COL25A1: variants seen among roughly 807,000 people sequenced by gnomAD.
COL25A1 encodes collagen alpha-1(XXV) chain.
COL25A1 carries 103 observed loss-of-function variants against 128.4 expected under a neutral mutation model. The ratio of observed to expected loss-of-function variants is 0.80; its 90% CI spans 0.68 to 0.94. The LOEUF is 0.94. Among genes scored for constraint, COL25A1 ranks in the 40% least tolerant of loss-of-function variants. The probability of loss-of-function intolerance (pLI) is 0.00; values close to 1 mark genes in which losing one functional copy is unlikely to be tolerated. For synonymous variants in COL25A1, 279 were observed against 277.2 expected, an observed-to-expected ratio of 1.01 and a Z score of -0.06; for missense variants, 745 against 840.0, an observed-to-expected ratio of 0.89 and a Z score of 1.40.
At chr4:109,131,977 TAGAGATA>T (rs1381668535) in intron 3 of COL25A1, among the ~76,000 whole-genome samples, 1 of 152,180 alleles carries the variant, frequency 6.6e-6, no homozygotes, top group Non-Finnish European at 1.5e-5. Context: ...CATTCTTTGC[TAGAGATA>T]AGGGCCCCTC....
intron 27 of COL25A1, 86 bp from the exon 28 acceptor site, chr4:108,846,305 T>A (rs1173253542): frequency 1.2e-6 from 1 of 861,510 alleles, no homozygotes; most frequent in Non-Finnish European, 2.0e-6. Context: ...TCCGATCAAT[T>A]TCGTTAATAG....
At chr4:108,857,555 C>T (rs1236233442) in intron 24 of COL25A1, among the ~76,000 whole-genome samples, 2 of 145,110 alleles carry the variant, frequency 1.4e-5, no homozygotes, top group Admixed American at 1.4e-4. Flanking sequence ...ATAGGCTGAG[C>T]TGAAAATAGA....
At chr4:109,008,563 T>C (rs1756262973) in intron 6 of COL25A1, among the ~76,000 whole-genome samples, 1 of 152,106 alleles carries the variant, frequency 6.6e-6, no homozygotes. Context: ...ATGTTAAAGA[T>C]TACAATCTCT....
intron 3 of COL25A1, among the ~76,000 whole-genome samples, chr4:109,163,118 T>C (rs1027493653): frequency 3.3e-5 from 5 of 152,158 alleles, no homozygotes; most frequent in Non-Finnish European, 7.4e-5. Flanking sequence ...TCACTTCTGC[T>C]TCCCTAGGTT....
intron 3 of COL25A1, among the ~76,000 whole-genome samples, chr4:109,190,330 C>T (rs571508807): frequency 1.3e-4 from 20 of 151,902 alleles, no homozygotes; most frequent in African/African-American, 2.9e-4. Flanking sequence ...GACCAATGCC[C>T]AGAAACATAT....
intron 24 of COL25A1, among the ~76,000 whole-genome samples, chr4:108,853,162 A>C (rs992775954): frequency 6.6e-6 from 1 of 152,144 alleles, no homozygotes; most frequent in Non-Finnish European, 1.5e-5. Flanking sequence ...AGAAAAAGAA[A>C]TGTCAAAATT....
At chr4:108,887,964 G>A (rs1741021460) in intron 18 of COL25A1, among the ~76,000 whole-genome samples, 1 of 152,088 alleles carries the variant, frequency 6.6e-6, no homozygotes. Context: ...TCAAACCAAA[G>A]CAGACCATGG....
chr4:108,859,531 A>C (rs1736911778), intron 24 of COL25A1, 125 bp downstream of exon 24: 1 of 621,482 alleles, frequency 1.6e-6, no homozygotes, highest in African/African-American at 1.9e-5. Context: ...AACAGGGAGA[A>C]GGGGTGCCTT....
intron 5 of COL25A1, among the ~76,000 whole-genome samples, chr4:109,018,574 G>A (rs757958940): frequency 6.6e-6 from 1 of 152,134 alleles, no homozygotes; most frequent in Non-Finnish European, 1.5e-5. Flanking sequence ...GTTTGACCTA[G>A]AGTCTGTGCC....
chr4:109,278,717 C>T (rs1265833824), intron 3 of COL25A1, among the ~76,000 whole-genome samples: 2 of 152,150 alleles, frequency 1.3e-5, no homozygotes, highest in African/African-American at 2.4e-5. Context: ...TTTGGTGACT[C>T]GGCATAATGT....
chr4:108,889,220 C>T lies in COL25A1; in HGVS notation c.975+1G>A, dbSNP rs770506208. The T allele has an allele frequency of 1.2e-6, 2 of 1,613,072 alleles. No individual in the cohort carries two copies. The highest frequency in any genetic ancestry group is 1.7e-5 in the Admixed American group (1 of 59,994). ...GAACACACTAGAGATAGAGATATTA[C>T]CTTTTGCCCTGGACGACCAGATTCC... On this transcript the variant is annotated splice_donor_variant, in intron 18 of 37. Coordinates refer to ENST00000399132, the MANE Select transcript of COL25A1 (RefSeq NM_198721.4). LOFTEE classifies it high-confidence loss of function.
rs189828723 is a variant in COL25A1, at chr4:108,900,861, C to T, written c.834+258G>A. Among the ~76,000 whole-genome samples the T allele has an allele frequency of 2.6e-3, 389 of 152,242 alleles. 2 individuals carry two copies. Among genetic ancestry groups the T allele is most frequent in the Non-Finnish European group, 4.5e-3 (306 of 67,996 alleles). ...GCCATATTGGAAACATAGGCCTATT[C>T]ATGTTATTTAAGTATCTCAGAATAA... On this transcript the variant is annotated intron_variant, in intron 14 of 37. Coordinates refer to ENST00000399132, the MANE Select transcript of COL25A1 (RefSeq NM_198721.4).
intron 3 of COL25A1, among the ~76,000 whole-genome samples, chr4:109,101,066 T>C (rs1765846514): frequency 6.6e-6 from 1 of 152,130 alleles, no homozygotes; most frequent in African/African-American, 2.4e-5. Context: ...TAGATAAAGA[T>C]CAAAGTGGAA....
intron 3 of COL25A1, among the ~76,000 whole-genome samples, chr4:109,079,136 C>A (rs1235445692): frequency 1.3e-5 from 2 of 152,158 alleles, no homozygotes; most frequent in African/African-American, 4.8e-5. Flanking sequence ...TAAGACAGAT[C>A]ATTCTGAAAT....
chr4:109,103,360 T>C (rs1022206546), intron 3 of COL25A1, among the ~76,000 whole-genome samples: 2 of 152,210 alleles, frequency 1.3e-5, no homozygotes, highest in Non-Finnish European at 2.9e-5. Context: ...ATGCTCCTTT[T>C]GGTAGCATTA....
chr4:108,853,599 C>T (rs999290387), intron 24 of COL25A1, among the ~76,000 whole-genome samples: 1 of 151,902 alleles, frequency 6.6e-6, no homozygotes, highest in African/African-American at 2.4e-5. Context: ...CATGTGCCAT[C>T]GTGGTTTGCT....
At chr4:108,929,477 C>T (rs982927022) in intron 11 of COL25A1, among the ~76,000 whole-genome samples, 3 of 152,006 alleles carry the variant, frequency 2.0e-5, no homozygotes, top group Non-Finnish European at 4.4e-5. Flanking sequence ...TGAAAATCAT[C>T]CTTTTAGTTA....
At position 109,028,675 on chromosome 4, in the gene COL25A1, G is replaced by A. The variant is rs150072399; in HGVS notation, c.421-18300C>T. 1.8e-3 allele frequency among the ~76,000 whole-genome samples: 275 copies of A among 152,000 alleles called. 2 individuals are homozygous for A. Among genetic ancestry groups the A allele is most frequent in the African/African-American group, 6.3e-3 (263 of 41,460 alleles). On this transcript the variant is annotated intron_variant, in intron 5 of 37. Coordinates refer to ENST00000399132, the MANE Select transcript of COL25A1 (RefSeq NM_198721.4). ...CAGGAGGCGGAGGTTGCAGGGGGCC[G>A]AGATTGTACCACTGCACTCCAGCCT...
chr4:109,176,282 C>T (rs1277692252), intron 3 of COL25A1, among the ~76,000 whole-genome samples: 1 of 152,078 alleles, frequency 6.6e-6, no homozygotes, highest in East Asian at 1.9e-4. Flanking sequence ...CCCAGCTACT[C>T]AGGAGGCTGA....
Sources: allele counts gnomAD v4.1 joint callset (sites outside exome capture counted in the v4.1 genomes callset), GRCh38; gene constraint gnomAD v4.1.1; transcripts MANE v1.5; gene names NCBI Gene and HGNC (gene_info 2026-07-23, HGNC 2026-07-21).